DMD: variants seen among roughly 807,000 people sequenced by gnomAD.
DMD encodes the protein dystrophin, also known as mutant dystrophin.
Under a neutral mutation model 330.1 loss-of-function variants are expected in DMD, and 63 were observed. The ratio of observed to expected loss-of-function variants is 0.19; its 90% CI spans 0.16 to 0.24. The LOEUF (loss-of-function observed/expected upper bound fraction) is 0.24, where lower values mean the gene tolerates loss of function less well. Ranked by LOEUF, DMD falls within the 10% of genes least tolerant of loss-of-function variation. DMD has a pLI of 1.00. For synonymous variants in DMD, 1,223 were observed against 959.8 expected, an observed-to-expected ratio of 1.27 and a Z score of -5.07; for missense variants, 3,344 against 2,684.1, an observed-to-expected ratio of 1.25 and a Z score of -5.43.
chrX:32,218,030 T>C (rs949238984), intron 43 of DMD, among the ~76,000 whole-genome samples: 1 of 111,788 alleles, frequency 8.9e-6, no homozygotes, highest in East Asian at 2.8e-4. Context: ...AATGTGTTAA[T>C]ACTACACATG....
intron 41 of DMD, among the ~76,000 whole-genome samples, chrX:32,314,753 A>G (rs373430877): frequency 6.9e-4 from 77 of 112,072 alleles, no homozygotes; most frequent in African/African-American, 2.3e-3. Flanking sequence ...TTCGCAAAAG[A>G]AGACATTTAC....
At chrX:32,459,367 T>C (rs1314343421) in intron 25 of DMD, among the ~76,000 whole-genome samples, 7 of 111,183 alleles carry the variant, frequency 6.3e-5, no homozygotes, top group Middle Eastern at 4.6e-3. Context: ...TAGATTCTCT[T>C]CCATCTCTAA....
chrX:33,318,720 T>C (rs1322910543), intron 1 of DMD, among the ~76,000 whole-genome samples: 1 of 110,493 alleles, frequency 9.1e-6, no homozygotes, highest in African/African-American at 3.3e-5. Context: ...GTGCTGGGGT[T>C]ACAGGCATGA....
In DMD at chrX:31,262,678, T is replaced by C. The variant is rs189294399; in HGVS notation, c.9225-1662A>G. Among the ~76,000 whole-genome samples the C allele has an allele frequency of 5.8e-4, 65 of 112,335 alleles. 1 individual carries two copies. The highest frequency in any genetic ancestry group is 2.6e-4 in the Non-Finnish European group (14 of 53,208). On this transcript the variant is annotated intron_variant, in intron 62 of 78. Coordinates refer to ENST00000357033, the MANE Select transcript of DMD (RefSeq NM_004006.3). ...TATCAGTTGAGGGAATATAACAGAG[T>C]GACATTCAAGTCTTAAAGAGCAAGA...
intron 9 of DMD, among the ~76,000 whole-genome samples, chrX:32,683,348 G>T (rs1013344207): frequency 4.4e-4 from 49 of 110,346 alleles, no homozygotes; most frequent in African/African-American, 1.5e-3. Flanking sequence ...GTACACGTAT[G>T]CTTATTGTGG....
At chrX:32,752,797 G>A (rs1261817557) in intron 7 of DMD, among the ~76,000 whole-genome samples, 1 of 109,236 alleles carries the variant, frequency 9.2e-6, no homozygotes, top group African/African-American at 3.3e-5. Flanking sequence ...CTGTTCTTGT[G>A]GTAGTGAAAG....
chrX:32,731,780 T>A (rs972526491), intron 7 of DMD, among the ~76,000 whole-genome samples: 3 of 111,719 alleles, frequency 2.7e-5, no homozygotes, highest in South Asian at 3.7e-4. Context: ...ATCATCAAAG[T>A]CCAAAAGTAG....
chrX:32,433,116 T>A (rs957816562), intron 29 of DMD, among the ~76,000 whole-genome samples: 3 of 112,676 alleles, frequency 2.7e-5, no homozygotes, highest in Admixed American at 1.9e-4. Context: ...TTTAAGACTC[T>A]AAATTTTATT....
chrX:32,157,060 C>A (rs2147224660), intron 44 of DMD, among the ~76,000 whole-genome samples: 1 of 112,213 alleles, frequency 8.9e-6, no homozygotes, highest in Non-Finnish European at 1.9e-5. Flanking sequence ...CTGTTTATGA[C>A]AATATCTGCA....
intron 41 of DMD, among the ~76,000 whole-genome samples, chrX:32,315,958 G>C (rs1263410630): frequency 9.0e-6 from 1 of 111,330 alleles, no homozygotes. Flanking sequence ...TTCTGTATCT[G>C]GTTCTAGAAA....
chrX:32,841,389 G>A lies in DMD; in HGVS notation c.264+3394C>T, dbSNP rs146863907. On this transcript the variant is annotated intron_variant, in intron 4 of 78. Transcript: ENST00000357033. The stretch of plus-strand genomic sequence containing the variant: ...TACAAAACAAATACAAAAATAGAAA[G>A]GGCCAATAACCAATAAAATCTCGAA... 1.7e-3 allele frequency among the ~76,000 whole-genome samples: 189 copies of A among 111,638 alleles called. 4 individuals carry two copies. In the East Asian group the frequency reaches 0.027, roughly 16 times the overall value.
chrX:32,384,635 G>A (rs1351628939), intron 33 of DMD, among the ~76,000 whole-genome samples: 2 of 110,604 alleles, frequency 1.8e-5, no homozygotes, highest in Non-Finnish European at 3.8e-5. Context: ...ACTTTCTATG[G>A]TAAGGAATTG....
chrX:33,314,815 A>AT (rs1272794224), intron 1 of DMD, among the ~76,000 whole-genome samples: 1 of 107,886 alleles, frequency 9.3e-6, no homozygotes, highest in African/African-American at 3.4e-5. Context: ...TCCTTGAAGG[A>AT]TTTTTTTCTT....
chrX:33,110,674 A>G (rs1294849716), intron 1 of DMD, among the ~76,000 whole-genome samples: 1 of 111,480 alleles, frequency 9.0e-6, no homozygotes, highest in Non-Finnish European at 1.9e-5. Context: ...GAAAATAAAG[A>G]TGTAATTTTT....
intron 60 of DMD, among the ~76,000 whole-genome samples, chrX:31,357,824 A>G (rs1294515947): frequency 8.9e-6 from 1 of 111,947 alleles, no homozygotes; most frequent in Non-Finnish European, 1.9e-5. Context: ...AACCAGTATC[A>G]AGCCGTTCTT....
rs1301292107 is a variant in DMD, at chrX:31,530,649, T to C, written c.8218-23196A>G. Among the ~76,000 whole-genome samples the C allele has an allele frequency of 9.2e-5, 6 of 65,305 alleles. No homozygotes were observed. The East Asian group carries it at 1.9e-3, about 21-fold the overall frequency. 56.7% of individuals were successfully genotyped at this position (65,305 alleles called of 115,157 possible). A position where few individuals can be genotyped will look rare whatever the true frequency, so the allele number is the denominator to read the frequency against. On this transcript the variant is annotated intron_variant, in intron 55 of 78. Transcript: ENST00000357033. ...TAGATAATAGAGCACTGGTTTCTCTTTTTTTTTTTTTTTTTTTTTTAATTT... is the reference window on the plus strand; with the variant it reads ...TAGATAATAGAGCACTGGTTTCTCTCTTTTTTTTTTTTTTTTTTTTAATTT...
At chrX:31,903,502 C>G (rs1343947161) in intron 47 of DMD, among the ~76,000 whole-genome samples, 1 of 112,153 alleles carries the variant, frequency 8.9e-6, no homozygotes, top group Non-Finnish European at 1.9e-5. Context: ...ACATACTGAA[C>G]TCACCATTTG....
chrX:31,770,892 T>C (rs1242505917), intron 51 of DMD, among the ~76,000 whole-genome samples: 1 of 112,200 alleles, frequency 8.9e-6, no homozygotes, highest in Non-Finnish European at 1.9e-5. Context: ...ATCATAGTGT[T>C]ATTATTTTCT....
intron 43 of DMD, among the ~76,000 whole-genome samples, chrX:32,252,667 T>TATATATATAA (rs1276231192): frequency 0.018 from 753 of 40,720 alleles, 90 homozygotes; most frequent in African/African-American, 0.07. Flanking sequence ...TATATAAATA[T>TATATATATAA]ATATATATAA....
Sources: allele counts gnomAD v4.1 joint callset (sites outside exome capture counted in the v4.1 genomes callset), GRCh38; gene constraint gnomAD v4.1.1; transcripts MANE v1.5; gene names NCBI Gene and HGNC (gene_info 2026-07-23, HGNC 2026-07-21).